The following LPCAT1 variants were observed in gnomAD, a reference collection of about 807,000 sequenced individuals.
The protein encoded by LPCAT1 is lysophosphatidylcholine acyltransferase 1, also known as 1-acylglycerol-3-phosphate O-acyltransferase.
In LPCAT1, 23 loss-of-function variants were observed where a neutral mutation model predicts 60.9. The observed-to-expected ratio is 0.38, with a 90% CI of 0.27 to 0.53. The LOEUF is 0.53. Among genes scored for constraint, LPCAT1 ranks in the 20% least tolerant of loss-of-function variants. LPCAT1 has a pLI of 0.82. For missense variants in LPCAT1, 622 were observed against 723.6 expected, an observed-to-expected ratio of 0.86 and a Z score of 1.61; for synonymous variants, 340 against 301.1, an observed-to-expected ratio of 1.13 and a Z score of -1.34.
At chr5:1,520,446 C>A (rs1736635732) in intron 1 of LPCAT1, among the ~76,000 whole-genome samples, 1 of 152,198 alleles carries the variant, frequency 6.6e-6, no homozygotes, top group African/African-American at 2.4e-5. Context: ...CAGCAGCCTC[C>A]TCCACTCTGA....
chr5:1,501,672 G>A, intron 1 of LPCAT1, 69 bp from the exon 2 acceptor site: 1 of 1,524,852 alleles, frequency 6.6e-7, no homozygotes, highest in Non-Finnish European at 9.1e-7. Context: ...ACCCGGCAGA[G>A]GCTAGCCCAG....
In LPCAT1 at chr5:1,480,805, A is replaced by C. The variant is rs1735108066; in HGVS notation, c.761+137T>G. 9.4e-7 allele frequency: 1 copy of C among 1,067,506 alleles called. No homozygotes were observed. The allele number at this position is 1,067,506 out of a possible 1,614,324, so 66.1% of individuals were successfully genotyped here. On this transcript the variant is annotated intron_variant, in intron 7 of 13. Transcript: ENST00000283415. This position sits in a 1 kb window ranked among gnomAD's most constrained non-coding sequence, Gnocchi z 6.4. ...CCACATCTGTACGTTTAGTTTTCACAATGGGCTGAACCTAACGGCTGTCCC... is the reference window on the plus strand; with the variant it reads ...CCACATCTGTACGTTTAGTTTTCACCATGGGCTGAACCTAACGGCTGTCCC...
At chr5:1,470,021 T>C (rs904448371) in intron 12 of LPCAT1, among the ~76,000 whole-genome samples, 1 of 152,202 alleles carries the variant, frequency 6.6e-6, no homozygotes, top group African/African-American at 2.4e-5. Flanking sequence ...CCAGTGTTGC[T>C]ATGGAGAGGG....
Position 1,521,559 on chromosome 5 carries a change from A to G in LPCAT1, c.135+2151T>C. 1.2e-6 allele frequency: 1 copy of G among 850,238 alleles called. No individual in the cohort carries two copies. Among genetic ancestry groups the G allele is most frequent in the South Asian group, 5.4e-5 (1 of 18,468 alleles). 52.7% of individuals were successfully genotyped at this position (850,238 alleles called of 1,614,324 possible). On this transcript the variant is annotated intron_variant, in intron 1 of 13. Transcript: ENST00000283415. The surrounding 1 kb of genome is among the most constrained non-coding windows in gnomAD (Gnocchi z 4.3). ...GAAAAGCAAAATGTTTCTGCAGAGA[A>G]CTTTGAGAACGTTTACAAACTAAAC...
chr5:1,521,555 G>A lies in LPCAT1; in HGVS notation c.135+2155C>T, dbSNP rs1736677204. ...TGGTGAAAAGCAAAATGTTTCTGCA[G>A]AGAACTTTGAGAACGTTTACAAACT... On this transcript the variant is annotated intron_variant, in intron 1 of 13. Transcript: ENST00000283415. This position sits in a 1 kb window ranked among gnomAD's most constrained non-coding sequence, Gnocchi z 4.3. 3.5e-6 allele frequency: 3 copies of A among 846,430 alleles called. No individual in the cohort carries two copies. The highest frequency in any genetic ancestry group is 1.8e-5 in the African/African-American group (1 of 54,292). The allele number at this position is 846,430 out of a possible 1,614,324, so 52.4% of individuals were successfully genotyped here. A position where few individuals can be genotyped will look rare whatever the true frequency, so the allele number is the denominator to read the frequency against.
chr5:1,501,746 A>AAGGCTGACCAGCACTGACCG (rs1736017352), intron 1 of LPCAT1, 143 bp from the exon 2 acceptor site: 2 of 836,774 alleles, frequency 2.4e-6, no homozygotes, highest in Non-Finnish European at 3.8e-6. Context: ...ACAGCTGACC[A>AAGGCTGACCAGCACTGACCG]AGGCTGACCA....
chr5:1,502,357 A>G lies in LPCAT1; in HGVS notation c.136-754T>C, dbSNP rs1302392337. Among the ~76,000 whole-genome samples the G allele has an allele frequency of 6.6e-6, 1 of 152,214 alleles. No homozygotes were observed. Among genetic ancestry groups the G allele is most frequent in the Non-Finnish European group, 1.5e-5 (1 of 68,032 alleles). ...TGAGAAAGCATACGCCACCCTAGGC[A>G]GTGTTGGTGACAGGGGGAGGTAGCT... On this transcript the variant is annotated intron_variant, in intron 1 of 13. Transcript: ENST00000283415. This position sits in a 1 kb window ranked among gnomAD's most constrained non-coding sequence, Gnocchi z 5.5.
chr5:1,520,860 C>CAAAAAAAAAAAAAAAAAAAAAAAAAAAAA (rs59074953), intron 1 of LPCAT1, among the ~76,000 whole-genome samples: 3 of 82,040 alleles, frequency 3.7e-5, no homozygotes, highest in African/African-American at 4.9e-5. Context: ...GAGACTGTCT[C>CAAAAAAAAAAAAAAAAAAAAAAAAAAAAA]AAAAAAAAAA....
At chr5:1,494,137 G>A (rs1167698311) in intron 3 of LPCAT1, among the ~76,000 whole-genome samples, 6 of 111,682 alleles carry the variant, frequency 5.4e-5, no homozygotes, top group Non-Finnish European at 1.1e-4. Flanking sequence ...AGCACCAGGT[G>A]CTCAGGTCCC....
rs560589068 is a variant in LPCAT1, at chr5:1,495,080, G to A, written c.279-166C>T. Among the ~76,000 whole-genome samples the A allele has an allele frequency of 2.6e-5, 4 of 152,288 alleles. No individual in the cohort carries two copies. The highest frequency in any genetic ancestry group is 2.1e-4 in the South Asian group (1 of 4,828). Reference sequence around the variant, plus strand: ...TCTGCTTGAGGGAAGAAAAGACGCCGCGCCTTCCTGGCCTCCGCCTGTGTC... The same window carrying A: ...TCTGCTTGAGGGAAGAAAAGACGCCACGCCTTCCTGGCCTCCGCCTGTGTC... On this transcript the variant is annotated intron_variant, in intron 2 of 13. Transcript: ENST00000283415. The surrounding 1 kb of genome is among the most constrained non-coding windows in gnomAD (Gnocchi z 4.7).
In LPCAT1 at chr5:1,496,331, A is replaced by G. The variant is rs1164862835; in HGVS notation, c.279-1417T>C. ...AGCCGAGATTGCGCCACTGCACTCC[A>G]GCCTGGGCAACAGAGTGAGACTCCA... On this transcript the variant is annotated intron_variant, in intron 2 of 13. Coordinates refer to ENST00000283415, the MANE Select transcript of LPCAT1 (RefSeq NM_024830.5). This position sits in a 1 kb window ranked among gnomAD's most constrained non-coding sequence, Gnocchi z 4.7. Among the ~76,000 whole-genome samples, 1 of 152,124 alleles carries G rather than the reference A, an allele frequency of 6.6e-6. No homozygotes were observed. The highest frequency in any genetic ancestry group is 2.1e-4 in the South Asian group (1 of 4,828).
intron 13 of LPCAT1, among the ~76,000 whole-genome samples, chr5:1,464,769 G>A (rs1272625166): frequency 1.5e-4 from 15 of 98,356 alleles, no homozygotes; most frequent in African/African-American, 4.9e-4. Context: ...GCACACACAC[G>A]GTAACCAAAC....
chr5:1,497,865 G>A (rs1234857223), intron 2 of LPCAT1, among the ~76,000 whole-genome samples: 4 of 152,204 alleles, frequency 2.6e-5, no homozygotes, highest in South Asian at 2.1e-4. Flanking sequence ...TGAACCATCC[G>A]GTCAGCCAAG....
intron 1 of LPCAT1, among the ~76,000 whole-genome samples, chr5:1,514,129 C>T (rs1022163579): frequency 4.6e-5 from 7 of 152,246 alleles, no homozygotes; most frequent in Admixed American, 3.3e-4. Flanking sequence ...CCACCACCAG[C>T]GGCTGGGGAG....
At chr5:1,498,249 G>A (rs556784672) in intron 2 of LPCAT1, among the ~76,000 whole-genome samples, 8 of 152,236 alleles carry the variant, frequency 5.3e-5, no homozygotes, top group Admixed American at 2.6e-4. Context: ...GATCCCTTAC[G>A]TCCCTAACTA....
intron 1 of LPCAT1, among the ~76,000 whole-genome samples, chr5:1,505,307 CCA>C (rs763782014): frequency 2.0e-5 from 3 of 151,110 alleles, no homozygotes; most frequent in Non-Finnish European, 3.0e-5. Flanking sequence ...ACTGCTTCCA[CCA>C]CAGAGTGCGG....
At position 1,489,905 on chromosome 5, in the gene LPCAT1, G is replaced by A. The variant is rs73031885; in HGVS notation, c.494-47C>T. 5.9e-4 allele frequency: 797 copies of A among 1,344,982 alleles called. 6 individuals carry two copies. The African/African-American group carries it at 0.011, about 18-fold the overall frequency. The allele number at this position is 1,344,982 out of a possible 1,614,324, so 83.3% of individuals were successfully genotyped here. On this transcript the variant is annotated intron_variant, in intron 3 of 13. Transcript: ENST00000283415. ...GGATCACGTGGAATGCACGGCTCCC[G>A]CCAGGCAGGGCTGAGGAACGAGGGG...
chr5:1,469,245 A>G (rs564093572), intron 12 of LPCAT1, among the ~76,000 whole-genome samples: 68 of 151,782 alleles, frequency 4.5e-4, no homozygotes, highest in African/African-American at 1.6e-3. Context: ...CCTGAGAAAG[A>G]CCTCCTAGTG....
At chr5:1,465,801 AAG>A (rs1376362944) in intron 13 of LPCAT1, among the ~76,000 whole-genome samples, 10 of 151,160 alleles carry the variant, frequency 6.6e-5, no homozygotes, top group East Asian at 2.0e-4. Context: ...TCAATACTAA[AAG>A]AAGCACGCAC....
Sources: allele counts gnomAD v4.1 joint callset (sites outside exome capture counted in the v4.1 genomes callset), GRCh38; gene constraint gnomAD v4.1.1; non-coding constraint Gnocchi (gnomAD v3.1); transcripts MANE v1.5; gene names NCBI Gene and HGNC (gene_info 2026-07-23, HGNC 2026-07-21).